Variants in PDK1 observed in about 807,000 individuals in gnomAD.
The protein encoded by PDK1 is pyruvate dehydrogenase kinase 1.
In PDK1, 39 loss-of-function variants were observed where a neutral mutation model predicts 54.2. The observed-to-expected ratio is 0.72, with a 90% CI of 0.56 to 0.94. The LOEUF is 0.94. Ranked by LOEUF, PDK1 falls within the 40% of genes least tolerant of loss-of-function variation. PDK1 has a pLI of 0.00. For synonymous variants in PDK1, 221 were observed against 207.1 expected (o/e 1.07, Z -0.58); for missense variants, 552 against 566.0 (o/e 0.98, Z 0.25).
At chr2:172,695,337 A>C in the PDK1 span, among the ~76,000 whole-genome samples, 2 of 152,302 alleles carry the variant, frequency 1.3e-5, no homozygotes, top group South Asian at 2.1e-4. Context: ...GACTTAACTC[A>C]TATGTTGAGG....
At chr2:172,700,210 C>A in the PDK1 span, among the ~76,000 whole-genome samples, 1 of 152,212 alleles carries the variant, frequency 6.6e-6, no homozygotes, top group Non-Finnish European at 1.5e-5. Flanking sequence ...CCACACTTCC[C>A]CCCTTTCTAT....
the PDK1 span, among the ~76,000 whole-genome samples, chr2:172,712,466 G>A: frequency 2.6e-5 from 4 of 152,200 alleles, no homozygotes; most frequent in Admixed American, 6.5e-5. Flanking sequence ...GGCACAGGGC[G>A]GTGAGGGGTG....
In PDK1 at chr2:172,556,260, C is replaced by A; in HGVS notation, c.110C>A (p.Ala37Glu). The A allele has an allele frequency of 6.8e-7, 1 of 1,481,270 alleles. No homozygotes were observed. Among genetic ancestry groups the A allele is most frequent in the Non-Finnish European group, 8.9e-7 (1 of 1,122,250 alleles). 91.8% of individuals were successfully genotyped at this position (1,481,270 alleles called of 1,614,324 possible). ...SFSSDSGSSP[A>E]SERGVPGQVD... ...AGCTCGGACTCGGGCTCCAGCCCGG[C>A]GTCCGAGCGCGGCGTTCCGGGCCAG... The change falls in exon 1 of 11, where the codon GCG becomes GAG. Residue 37 changes from alanine (A) to glutamate (E), a missense_variant. Ala to Glu is a moderately radical substitution (Grantham distance 107, BLOSUM62 -1). Coordinates refer to ENST00000282077, the MANE Select transcript of PDK1 (RefSeq NM_002610.5).
the PDK1 span, among the ~76,000 whole-genome samples, chr2:172,692,346 T>C: frequency 1.3e-5 from 2 of 152,232 alleles, no homozygotes; most frequent in African/African-American, 4.8e-5. Flanking sequence ...TCTGGGATTA[T>C]ATAATAGTAG....
At chr2:172,702,092 T>G in the PDK1 span, among the ~76,000 whole-genome samples, 1 of 152,202 alleles carries the variant, frequency 6.6e-6, no homozygotes, top group Non-Finnish European at 1.5e-5. Context: ...TGAATTTGAT[T>G]TAAGTGAAGG....
At chr2:172,688,698 T>C in the PDK1 span, among the ~76,000 whole-genome samples, 40 of 152,224 alleles carry the variant, frequency 2.6e-4, no homozygotes, top group Non-Finnish European at 1.8e-4. Flanking sequence ...GGAAGGAAGA[T>C]AGGGAGAAAA....
chr2:172,602,487 T>G lies in PDK1; in HGVS notation c.*6518T>G, dbSNP rs1691148369. ...TTAGTGGATGTTACAATAAACCTCG[T>G]ATAGTGTCAGATGTAAGACAGACAT... is the stretch of plus-strand genomic sequence containing the variant. On this transcript the variant is annotated 3_prime_UTR_variant, in exon 11 of 11. Transcript: ENST00000282077. The G allele has an allele frequency of 6.6e-6, 1 of 152,178 alleles. No homozygotes were observed. Among genetic ancestry groups the G allele is most frequent in the Admixed American group, 6.5e-5 (1 of 15,278 alleles). 9.4% of individuals were successfully genotyped at this position (152,178 alleles called of 1,614,324 possible).
the PDK1 span, among the ~76,000 whole-genome samples, chr2:172,660,462 G>T: frequency 6.6e-6 from 1 of 151,354 alleles, no homozygotes; most frequent in African/African-American, 2.4e-5. Context: ...CCACCATGTT[G>T]CCCAGGCTGG....
chr2:172,714,058 CAA>C, the PDK1 span, among the ~76,000 whole-genome samples: 1 of 152,192 alleles, frequency 6.6e-6, no homozygotes, highest in African/African-American at 2.4e-5. Flanking sequence ...GATCTGGGAA[CAA>C]AACACTGGTA....
downstream of PDK1, among the ~76,000 whole-genome samples, chr2:172,610,713 C>T (rs561664222): frequency 6.6e-6 from 1 of 152,146 alleles, no homozygotes; most frequent in South Asian, 2.1e-4. Context: ...CAGGTTCAAG[C>T]GATTCTCCTG....
the PDK1 span, among the ~76,000 whole-genome samples, chr2:172,633,221 T>A: frequency 6.8e-5 from 8 of 117,782 alleles, no homozygotes; most frequent in African/African-American, 2.1e-4. Flanking sequence ...TAAAAAAAAT[T>A]TTTTTTTTTA....
the PDK1 span, among the ~76,000 whole-genome samples, chr2:172,705,658 G>A: frequency 1.3e-5 from 2 of 152,192 alleles, no homozygotes; most frequent in Non-Finnish European, 2.9e-5. Context: ...GTATCAGACT[G>A]TCAGTTTTAA....
the PDK1 span, among the ~76,000 whole-genome samples, chr2:172,630,156 A>G: frequency 6.6e-6 from 1 of 152,112 alleles, no homozygotes; most frequent in Admixed American, 6.5e-5. Flanking sequence ...TAGCAATACT[A>G]TCTTATGGTT....
At chr2:172,705,552 G>C in the PDK1 span, among the ~76,000 whole-genome samples, 1 of 152,162 alleles carries the variant, frequency 6.6e-6, no homozygotes, top group African/African-American at 2.4e-5. Flanking sequence ...CTATTACTCA[G>C]TTTGACTCAG....
intron 9 of PDK1, among the ~76,000 whole-genome samples, chr2:172,586,629 A>T (rs1690246456): frequency 6.6e-6 from 1 of 152,166 alleles, no homozygotes; most frequent in South Asian, 2.1e-4. Flanking sequence ...GTGATATAGC[A>T]GTAGTTTTCC....
the PDK1 span, among the ~76,000 whole-genome samples, chr2:172,639,512 A>G: frequency 6.6e-6 from 1 of 152,236 alleles, no homozygotes; most frequent in Non-Finnish European, 1.5e-5. Flanking sequence ...AGAGTTCTCT[A>G]TTCTTTGCGA....
At chr2:172,562,338 C>A in intron 3 of PDK1, 47 bp downstream of exon 3, 1 of 1,137,760 alleles carries the variant, frequency 8.8e-7, no homozygotes, top group Non-Finnish European at 1.3e-6. Context: ...TATTAGGTCA[C>A]TTGGGGGAAA....
At chr2:172,683,113 G>A in the PDK1 span, among the ~76,000 whole-genome samples, 3 of 152,044 alleles carry the variant, frequency 2.0e-5, no homozygotes, top group South Asian at 4.1e-4. Flanking sequence ...TTGGGAGGCC[G>A]AGGCGGGCGG....
chr2:172,713,196 CG>C, the PDK1 span, among the ~76,000 whole-genome samples: 1 of 152,196 alleles, frequency 6.6e-6, no homozygotes, highest in Non-Finnish European at 1.5e-5. Flanking sequence ...GCAGGGAGGT[CG>C]TCCTGCCATC....
Sources: allele counts gnomAD v4.1 joint callset (sites outside exome capture counted in the v4.1 genomes callset), GRCh38; gene constraint gnomAD v4.1.1; transcripts MANE v1.5; gene names NCBI Gene and HGNC (gene_info 2026-07-23, HGNC 2026-07-21).